KHDRBS2: variants seen among roughly 807,000 people sequenced by gnomAD.
KHDRBS2 encodes the protein KH RNA binding domain containing, signal transduction associated 2.
In KHDRBS2, 26 loss-of-function variants were observed where a neutral mutation model predicts 44.3. That is an observed-to-expected ratio of 0.59 (90% CI 0.43 to 0.81). The LOEUF is 0.81. Among genes scored for constraint, KHDRBS2 ranks in the 40% least tolerant of loss-of-function variants. The probability of loss-of-function intolerance (pLI) is 0.00; values close to 1 mark genes in which losing one functional copy is unlikely to be tolerated. For synonymous variants in KHDRBS2, 194 were observed against 151.1 expected (o/e 1.28, Z -2.08); for missense variants, 476 against 433.1 (o/e 1.10, Z -0.88).
intron 2 of KHDRBS2, among the ~76,000 whole-genome samples, chr6:62,132,295 A>G (rs1810510465): frequency 1.3e-5 from 2 of 152,232 alleles, no homozygotes; most frequent in South Asian, 4.1e-4. Context: ...GATGTCATGT[A>G]GGACACCACT....
At chr6:61,828,486 C>T (rs1371083010) in intron 6 of KHDRBS2, among the ~76,000 whole-genome samples, 1 of 152,096 alleles carries the variant, frequency 6.6e-6, no homozygotes, top group East Asian at 1.9e-4. Flanking sequence ...TAATTTTTAT[C>T]AATTATCTTT....
rs192724268 is a variant in KHDRBS2 at position 61,883,292 on chromosome 6, G to T, written c.810+11343C>A. Among the ~76,000 whole-genome samples, 278 of 152,100 alleles carry T rather than the reference G, an allele frequency of 1.8e-3. 2 individuals carry two copies. The South Asian group carries it at 0.021, about 11-fold the overall frequency. On this transcript the variant is annotated intron_variant, in intron 6 of 8. Transcript: ENST00000281156. Reference sequence around the variant, plus strand: ...CACTGCTGTCCTCCCCGTGTCTACAGCACAAATTGCATAAAGATCACGGCA... The same window carrying T: ...CACTGCTGTCCTCCCCGTGTCTACATCACAAATTGCATAAAGATCACGGCA...
At chr6:62,016,190 G>A (rs902612347) in intron 3 of KHDRBS2, among the ~76,000 whole-genome samples, 16 of 151,860 alleles carry the variant, frequency 1.1e-4, no homozygotes, top group African/African-American at 3.9e-4. Context: ...TTCACCTTTA[G>A]ACCCCAGGAT....
intron 4 of KHDRBS2, among the ~76,000 whole-genome samples, chr6:61,976,343 G>A (rs991366136): frequency 2.6e-5 from 4 of 152,096 alleles, no homozygotes; most frequent in African/African-American, 9.7e-5. Context: ...TATTTCAGTG[G>A]AGAGTATATA....
the KHDRBS2 span, among the ~76,000 whole-genome samples, chr6:61,564,217 G>A: frequency 3.0e-3 from 456 of 152,094 alleles, 3 homozygotes; most frequent in African/African-American, 9.3e-3. Context: ...TCAATTTAAT[G>A]GGCATTTTAT....
chr6:61,547,113 C>G, the KHDRBS2 span, among the ~76,000 whole-genome samples: 1 of 151,828 alleles, frequency 6.6e-6, no homozygotes, highest in Non-Finnish European at 1.5e-5. Context: ...CCAGAGTACC[C>G]AGAGAAAATC....
the KHDRBS2 span, among the ~76,000 whole-genome samples, chr6:61,653,229 T>C: frequency 6.6e-6 from 1 of 152,040 alleles, no homozygotes; most frequent in Admixed American, 6.6e-5. Flanking sequence ...GTTGAAAAGC[T>C]TTGTTCTAAA....
chr6:61,635,321 C>T, the KHDRBS2 span, among the ~76,000 whole-genome samples: 5 of 151,802 alleles, frequency 3.3e-5, no homozygotes, highest in Admixed American at 3.3e-4. Flanking sequence ...TGGGAGAAGA[C>T]GTGAAGATAA....
chr6:62,007,859 C>T (rs1269956964), intron 3 of KHDRBS2, among the ~76,000 whole-genome samples: 2 of 152,050 alleles, frequency 1.3e-5, no homozygotes, highest in African/African-American at 4.8e-5. Context: ...GCTGTAGAAA[C>T]AATAAACTAG....
At chr6:62,205,003 T>G (rs932871771) in intron 1 of KHDRBS2, among the ~76,000 whole-genome samples, 1 of 152,096 alleles carries the variant, frequency 6.6e-6, no homozygotes, top group African/African-American at 2.4e-5. Context: ...GTTTGTTAAT[T>G]AATTAATATA....
At chr6:62,153,502 T>C (rs1815679104) in intron 2 of KHDRBS2, among the ~76,000 whole-genome samples, 1 of 151,890 alleles carries the variant, frequency 6.6e-6, no homozygotes, top group African/African-American at 2.4e-5. Flanking sequence ...ATATTTTTTT[T>C]AAGCACGAAA....
the KHDRBS2 span, among the ~76,000 whole-genome samples, chr6:61,668,452 G>T: frequency 3.3e-5 from 5 of 151,132 alleles, no homozygotes; most frequent in South Asian, 1.0e-3. Context: ...AGGAAAGTGT[G>T]TAATGGTCTA....
chr6:62,002,510 C>T (rs896667820), intron 3 of KHDRBS2, among the ~76,000 whole-genome samples: 3 of 151,212 alleles, frequency 2.0e-5, no homozygotes, highest in Non-Finnish European at 4.4e-5. Flanking sequence ...ATTTAATTTT[C>T]TCTTTTATAC....
intron 1 of KHDRBS2, among the ~76,000 whole-genome samples, chr6:62,199,863 C>A (rs181487804): frequency 2.0e-5 from 3 of 152,256 alleles, no homozygotes; most frequent in East Asian, 1.9e-4. Context: ...ACCAAAACAG[C>A]ATGGTACTGG....
intron 2 of KHDRBS2, among the ~76,000 whole-genome samples, chr6:62,101,394 A>C (rs1317647275): frequency 6.6e-6 from 1 of 152,118 alleles, no homozygotes; most frequent in Non-Finnish European, 1.5e-5. Context: ...TCATGGGGTA[A>C]AATGGAGACC....
chr6:62,183,706 G>A (rs1278495758), intron 1 of KHDRBS2, among the ~76,000 whole-genome samples: 3 of 151,482 alleles, frequency 2.0e-5, no homozygotes, highest in Admixed American at 6.6e-5. Flanking sequence ...GAAGAACATG[G>A]AATTCGTCTG....
At chr6:62,192,499 G>C (rs1824835634) in intron 1 of KHDRBS2, among the ~76,000 whole-genome samples, 1 of 152,050 alleles carries the variant, frequency 6.6e-6, no homozygotes. Flanking sequence ...TCACCATTTA[G>C]ACTCAATTTA....
At chr6:61,876,944 G>GAATAA (rs1799494428) in intron 6 of KHDRBS2, among the ~76,000 whole-genome samples, 1 of 151,998 alleles carries the variant, frequency 6.6e-6, no homozygotes. Context: ...AAATACAATA[G>GAATAA]GTGGTATACA....
the KHDRBS2 span, among the ~76,000 whole-genome samples, chr6:61,624,017 C>A: frequency 4.6e-5 from 7 of 152,152 alleles, no homozygotes; most frequent in African/African-American, 1.7e-4. Context: ...AAGCCAATGG[C>A]CTAACACTGG....
Sources: allele counts gnomAD v4.1 joint callset (sites outside exome capture counted in the v4.1 genomes callset), GRCh38; gene constraint gnomAD v4.1.1; transcripts MANE v1.5; gene names NCBI Gene and HGNC (gene_info 2026-07-23, HGNC 2026-07-21).